Variants in NIPSNAP3B observed in about 807,000 individuals in gnomAD.
NIPSNAP3B encodes nipsnap homolog 3B.
NIPSNAP3B carries 30 observed loss-of-function variants against 31.5 expected under a neutral mutation model. The ratio of observed to expected loss-of-function variants is 0.95; its 90% CI spans 0.71 to 1.29. The LOEUF (loss-of-function observed/expected upper bound fraction) is 1.29. Ranked by LOEUF, NIPSNAP3B falls within the 50% of genes most tolerant of loss-of-function variation. The pLI, the probability that NIPSNAP3B is intolerant of heterozygous loss-of-function variation, is 0.00. For synonymous variants in NIPSNAP3B, 106 were observed against 107.9 expected (o/e 0.98, Z 0.11); for missense variants, 269 against 300.7 (o/e 0.89, Z 0.78).
chr9:104,771,792 A>T (rs1323603185), intron 4 of NIPSNAP3B, among the ~76,000 whole-genome samples: 1 of 152,182 alleles, frequency 6.6e-6, no homozygotes, highest in Non-Finnish European at 1.5e-5. Context: ...TAGCTCTTTG[A>T]GGAATCACCA....
chr9:104,771,596 A>G (rs1025996323), intron 4 of NIPSNAP3B, among the ~76,000 whole-genome samples: 1 of 152,082 alleles, frequency 6.6e-6, no homozygotes, highest in Non-Finnish European at 1.5e-5. Context: ...TATGTACCAC[A>G]TTTTCTTTAT....
At chr9:104,786,465 G>A in the NIPSNAP3B span, 1 of 1,273,158 alleles carries the variant, frequency 7.9e-7, no homozygotes, top group Non-Finnish European at 1.1e-6. Context: ...ATGACTTCCA[G>A]CATTCCAGCT....
chr9:104,789,853 G>C, the NIPSNAP3B span, among the ~76,000 whole-genome samples: 1 of 152,098 alleles, frequency 6.6e-6, no homozygotes, highest in Non-Finnish European at 1.5e-5. Context: ...CAGAACTTTG[G>C]GAGGCTGAGG....
the NIPSNAP3B span, chr9:104,784,545 G>A: frequency 6.7e-7 from 1 of 1,490,230 alleles, no homozygotes; most frequent in Non-Finnish European, 9.3e-7. Flanking sequence ...TTGAAATTAG[G>A]TCAAGTAGGA....
At position 104,775,177 on chromosome 9, in the gene NIPSNAP3B, C is replaced by CTT. The variant is rs34979251; in HGVS notation, c.*2111_*2112dup. Among the ~76,000 whole-genome samples the CTT allele has an allele frequency of 6.7e-6, 1 of 150,286 alleles. No homozygotes were observed. On this transcript the variant is annotated 3_prime_UTR_variant, in exon 6 of 6. Transcript: ENST00000374762. Reference sequence around the variant, plus strand: ...TTCTTCTCCTCAGCATATAAATATACTTTTTTTTCCTATCTTTAAAAAAAA... The same window carrying CTT: ...TTCTTCTCCTCAGCATATAAATATACTTTTTTTTTTCCTATCTTTAAAAAAAA...
Position 104,769,027 on chromosome 9 carries a change from T to C in NIPSNAP3B, c.430+6T>C. On this transcript the variant is annotated splice_donor_region_variant and intron_variant, in intron 3 of 5. Transcript: ENST00000374762. Reference sequence around the variant, plus strand: ...AGAAAAGCCTCCAAAAGAAGGTGAGTTCTTCCCTCTTAGACTATGAGTTTT... The same window carrying C: ...AGAAAAGCCTCCAAAAGAAGGTGAGCTCTTCCCTCTTAGACTATGAGTTTT... 1 of 1,610,772 alleles carries C rather than the reference T, an allele frequency of 6.2e-7. No individual in the cohort carries two copies. Among genetic ancestry groups the C allele is most frequent in the South Asian group, 1.1e-5 (1 of 90,848 alleles).
At position 104,764,224 on chromosome 9, in the gene NIPSNAP3B, A is replaced by G; in HGVS notation, c.-17A>G. ...AAGGACTCGGCTGGCTGCTTTTCTC[A>G]GTGCCGAAGCCGCGCCATGCTCGTT... On this transcript the variant is annotated 5_prime_UTR_variant, in exon 1 of 6. Coordinates refer to ENST00000374762, the MANE Select transcript of NIPSNAP3B (RefSeq NM_018376.4). 6.3e-7 allele frequency: 1 copy of G among 1,599,018 alleles called. No individual in the cohort carries two copies. The highest frequency in any genetic ancestry group is 8.5e-7 in the Non-Finnish European group (1 of 1,174,648).
intron 4 of NIPSNAP3B, among the ~76,000 whole-genome samples, chr9:104,771,701 G>A (rs928577270): frequency 3.3e-5 from 5 of 152,268 alleles, no homozygotes; most frequent in East Asian, 1.9e-4. Flanking sequence ...ACGTGCACAT[G>A]TCTTTATGGT....
At chr9:104,782,804 G>C in the NIPSNAP3B span, 2 of 148,774 alleles carry the variant, frequency 1.3e-5, no homozygotes, top group African/African-American at 5.0e-5. Flanking sequence ...TCATTGTTTA[G>C]ACTTGTGACC....
At chr9:104,772,199 T>C (rs1378829172) in intron 4 of NIPSNAP3B, among the ~76,000 whole-genome samples, 1 of 147,216 alleles carries the variant, frequency 6.8e-6, no homozygotes, top group Non-Finnish European at 1.5e-5. Context: ...TGTTGACAGT[T>C]TTTTTTTTGT....
the NIPSNAP3B span, among the ~76,000 whole-genome samples, chr9:104,790,322 G>T: frequency 6.6e-6 from 1 of 152,058 alleles, no homozygotes; most frequent in Non-Finnish European, 1.5e-5. Context: ...GATGTATACA[G>T]GGACATATTT....
In NIPSNAP3B at chr9:104,766,447, T is replaced by C; in HGVS notation, c.183T>C (p.His61=). The C allele has an allele frequency of 6.2e-7, 1 of 1,613,870 alleles. No individual in the cohort carries two copies. Among genetic ancestry groups the C allele is most frequent in the Non-Finnish European group, 8.5e-7 (1 of 1,179,788 alleles). Reference sequence around the variant, plus strand: ...TGGAAAATCTTAAGAAAAACATTCATCTTCGGACCTCTTACTCTGAATTGG... The same window carrying C: ...TGGAAAATCTTAAGAAAAACATTCACCTTCGGACCTCTTACTCTGAATTGG... The part of the protein sequence containing the change: ...AFMENLKKNI[H]LRTSYSELVG... Residue 61 remains histidine, a synonymous_variant, in exon 2 of 6, where the codon CAT becomes CAC. Transcript: ENST00000374762.
chr9:104,786,965 G>T, the NIPSNAP3B span: 1 of 1,613,888 alleles, frequency 6.2e-7, no homozygotes, highest in Admixed American at 1.7e-5. Flanking sequence ...CCATGCCTGT[G>T]GTGGGTTCAT....
At chr9:104,788,707 T>C in the NIPSNAP3B span, 6 of 1,130,096 alleles carry the variant, frequency 5.3e-6, no homozygotes, top group African/African-American at 1.5e-5. Context: ...AAGCACAGCC[T>C]TTCTGCCCCC....
chr9:104,766,567 T>C (rs960100742), intron 2 of NIPSNAP3B, 32 bp downstream of exon 2: 2 of 1,575,004 alleles, frequency 1.3e-6, no homozygotes, highest in African/African-American at 2.7e-5. Flanking sequence ...GTATTCAGTA[T>C]AGATTTTCAT....
Position 104,774,158 on chromosome 9 carries a change from G to C in NIPSNAP3B, c.*1085G>C, listed in dbSNP as rs1216505532. ...TTTACAGACTATCTTCTGATAATCT[G>C]TATTTACAGCTATGTTATTTTATAT... On this transcript the variant is annotated 3_prime_UTR_variant, in exon 6 of 6. Transcript: ENST00000374762. 6.6e-6 allele frequency: 1 copy of C among 152,138 alleles called. No homozygotes were observed. The highest frequency in any genetic ancestry group is 1.5e-5 in the Non-Finnish European group (1 of 68,030). The allele number at this position is 152,138 out of a possible 1,614,324, so 9.4% of individuals were successfully genotyped here. A position where few individuals can be genotyped will look rare whatever the true frequency, so the allele number is the denominator to read the frequency against.
chr9:104,788,318 G>T, the NIPSNAP3B span: 1 of 1,499,328 alleles, frequency 6.7e-7, no homozygotes, highest in Non-Finnish European at 9.3e-7. Context: ...TTGTGCTGCT[G>T]CATTCATGAG....
chr9:104,785,750 C>T, the NIPSNAP3B span: 1 of 1,331,096 alleles, frequency 7.5e-7, no homozygotes, highest in East Asian at 2.3e-5. Flanking sequence ...CCCTGGCAGG[C>T]CCAGAAATAA....
chr9:104,787,455 G>C, the NIPSNAP3B span, among the ~76,000 whole-genome samples: 1 of 152,016 alleles, frequency 6.6e-6, no homozygotes, highest in Non-Finnish European at 1.5e-5. Flanking sequence ...AAGCCTCAAA[G>C]GCTTCTTCCC....
Sources: allele counts gnomAD v4.1 joint callset (sites outside exome capture counted in the v4.1 genomes callset), GRCh38; gene constraint gnomAD v4.1.1; transcripts MANE v1.5; gene names NCBI Gene and HGNC (gene_info 2026-07-23, HGNC 2026-07-21).